The following PXYLP1 variants were observed in gnomAD, a reference collection of about 807,000 sequenced individuals.
The protein encoded by PXYLP1 is 2-phosphoxylose phosphatase 1.
Under a neutral mutation model 37.9 loss-of-function variants are expected in PXYLP1, and 17 were observed. That is an observed-to-expected ratio of 0.45 (90% CI 0.31 to 0.67). The LOEUF (loss-of-function observed/expected upper bound fraction) is 0.67, where lower values mean the gene tolerates loss of function less well. PXYLP1 is among the 30% of genes least tolerant of loss of function. PXYLP1 has a pLI of 0.07. For synonymous variants in PXYLP1, 221 were observed against 232.2 expected, an observed-to-expected ratio of 0.95 and a Z score of 0.44; for missense variants, 511 against 612.0, an observed-to-expected ratio of 0.84 and a Z score of 1.74.
At chr3:141,283,345 A>C (rs1276577388) in intron 4 of PXYLP1, among the ~76,000 whole-genome samples, 5 of 151,936 alleles carry the variant, frequency 3.3e-5, no homozygotes, top group African/African-American at 9.7e-5. Flanking sequence ...TTAGTTGAGA[A>C]TCTTCAGCAT....
intron 1 of PXYLP1, among the ~76,000 whole-genome samples, chr3:141,246,993 C>T (rs1940974678): frequency 6.6e-6 from 1 of 152,232 alleles, no homozygotes; most frequent in African/African-American, 2.4e-5. Flanking sequence ...AGTCCAGTGG[C>T]GTTATGTGCT....
intron 1 of PXYLP1, among the ~76,000 whole-genome samples, chr3:141,250,254 CAT>C (rs1324306213): frequency 6.6e-6 from 1 of 152,238 alleles, no homozygotes; most frequent in Non-Finnish European, 1.5e-5. Context: ...TGTTTTTAAA[CAT>C]ATAATTATGA....
chr3:141,236,652 A>C (rs1940665178), intron 1 of PXYLP1, among the ~76,000 whole-genome samples: 2 of 152,236 alleles, frequency 1.3e-5, no homozygotes, highest in African/African-American at 4.8e-5. Context: ...ACCGTAAAAT[A>C]AAATGAAGCT....
chr3:141,233,194 G>A (rs189123868), intron 1 of PXYLP1, among the ~76,000 whole-genome samples: 10 of 152,290 alleles, frequency 6.6e-5, no homozygotes, highest in African/African-American at 1.2e-4. Flanking sequence ...GGCCTCGGGC[G>A]CGGTGGCTCA....
chr3:141,290,256 T>G (rs898246656), intron 5 of PXYLP1, among the ~76,000 whole-genome samples: 1 of 152,192 alleles, frequency 6.6e-6, no homozygotes, highest in Non-Finnish European at 1.5e-5. Flanking sequence ...GCACACAATG[T>G]GCGTGGAGAC....
intron 1 of PXYLP1, among the ~76,000 whole-genome samples, chr3:141,240,795 A>G (rs1231078826): frequency 6.6e-6 from 1 of 152,180 alleles, no homozygotes; most frequent in Non-Finnish European, 1.5e-5. Context: ...CCAGGAGATC[A>G]TCTGTTCTGA....
intron 1 of PXYLP1, among the ~76,000 whole-genome samples, chr3:141,246,253 G>A (rs978603508): frequency 3.3e-5 from 5 of 152,260 alleles, no homozygotes; most frequent in South Asian, 2.1e-4. Flanking sequence ...TCTGACAGGC[G>A]GTCAGTCAGC....
At chr3:141,244,637 G>A (rs1244679343) in intron 1 of PXYLP1, among the ~76,000 whole-genome samples, 1 of 149,234 alleles carries the variant, frequency 6.7e-6, no homozygotes, top group Non-Finnish European at 1.5e-5. Flanking sequence ...TTAACTTGGC[G>A]ATATTTCTTG....
At chr3:141,247,546 TG>T (rs1374880752) in intron 1 of PXYLP1, among the ~76,000 whole-genome samples, 1 of 152,226 alleles carries the variant, frequency 6.6e-6, no homozygotes, top group Non-Finnish European at 1.5e-5. Context: ...ATCAGTGATA[TG>T]GCAATCTGTG....
intron 1 of PXYLP1, among the ~76,000 whole-genome samples, chr3:141,241,035 CCA>C (rs1940785049): frequency 1.3e-5 from 2 of 152,140 alleles, no homozygotes; most frequent in Non-Finnish European, 2.9e-5. Context: ...GTGCCCCTGC[CCA>C]CTCAACCTTC....
At chr3:141,239,128 C>A (rs530203685) in intron 1 of PXYLP1, among the ~76,000 whole-genome samples, 3 of 151,828 alleles carry the variant, frequency 2.0e-5, no homozygotes, top group Non-Finnish European at 4.4e-5. Context: ...TAATGCCAAC[C>A]TTTTGTATGT....
At chr3:141,252,852 G>A (rs889011656) in intron 1 of PXYLP1, among the ~76,000 whole-genome samples, 1 of 152,154 alleles carries the variant, frequency 6.6e-6, no homozygotes, top group African/African-American at 2.4e-5. Flanking sequence ...GTGAGAGAGG[G>A]TCTGTGGTGC....
chr3:141,248,627 G>A (rs1230765282), intron 1 of PXYLP1, among the ~76,000 whole-genome samples: 3 of 87,300 alleles, frequency 3.4e-5, no homozygotes, highest in Admixed American at 1.3e-4. Flanking sequence ...ATACACACAC[G>A]TATATATACA....
chr3:141,294,535 G>A lies in PXYLP1; in HGVS notation c.*1330G>A. 1 of 152,192 alleles carries A rather than the reference G, an allele frequency of 6.6e-6. No individual in the cohort carries two copies. Among genetic ancestry groups the A allele is most frequent in the East Asian group, 1.9e-4 (1 of 5,202 alleles). The allele number at this position is 152,192 out of a possible 1,614,324, so 9.4% of individuals were successfully genotyped here. A position where few individuals can be genotyped will look rare whatever the true frequency, so the allele number is the denominator to read the frequency against. ...TCAGAGAAATGGAAAGTGAAAGTGA[G>A]ATTCTCTGTTGTCATCGGCATTCCA... is the stretch of plus-strand genomic sequence containing the variant. On this transcript the variant is annotated 3_prime_UTR_variant, in exon 6 of 6. Transcript: ENST00000286353.
intron 4 of PXYLP1, among the ~76,000 whole-genome samples, chr3:141,280,255 C>A (rs1288558634): frequency 6.6e-6 from 1 of 152,242 alleles, no homozygotes; most frequent in Non-Finnish European, 1.5e-5. Context: ...TGGAATGCTT[C>A]TGGGATGCCA....
chr3:141,255,329 G>A (rs553603394), intron 1 of PXYLP1, among the ~76,000 whole-genome samples: 1 of 152,220 alleles, frequency 6.6e-6, no homozygotes, highest in African/African-American at 2.4e-5. Context: ...CAACAGACAT[G>A]TGATGACTGA....
intron 2 of PXYLP1, among the ~76,000 whole-genome samples, chr3:141,261,299 G>T (rs369735703): frequency 6.6e-6 from 1 of 152,090 alleles, no homozygotes; most frequent in South Asian, 2.1e-4. Context: ...GACTGGAGGC[G>T]TGCACCACCA....
chr3:141,275,675 T>G (rs1346720408), intron 2 of PXYLP1, among the ~76,000 whole-genome samples: 2 of 152,062 alleles, frequency 1.3e-5, no homozygotes, highest in African/African-American at 4.8e-5. Context: ...TTCCAACTAC[T>G]GGAAAGAAAG....
rs544026156 is a variant in PXYLP1, at chr3:141,273,155, C to G, written c.80-5187C>G. On this transcript the variant is annotated intron_variant, in intron 2 of 5. Transcript: ENST00000286353. Reference sequence around the variant, plus strand: ...TTTTCTTATTTAATGTCTGACTGTCCCCCGCAACTGGATTGTAAACCCCGT... The same window carrying G: ...TTTTCTTATTTAATGTCTGACTGTCGCCCGCAACTGGATTGTAAACCCCGT... 3.3e-4 allele frequency: 322 copies of G among 985,326 alleles called. 1 individual carries two copies. The African/African-American group carries it at 5.4e-3, about 16-fold the overall frequency. 61.0% of individuals were successfully genotyped at this position (985,326 alleles called of 1,614,324 possible). A position where few individuals can be genotyped will look rare whatever the true frequency, so the allele number is the denominator to read the frequency against.
Sources: allele counts gnomAD v4.1 joint callset (sites outside exome capture counted in the v4.1 genomes callset), GRCh38; gene constraint gnomAD v4.1.1; transcripts MANE v1.5; gene names NCBI Gene and HGNC (gene_info 2026-07-23, HGNC 2026-07-21).